Variants in KCNQ3 observed in about 807,000 individuals in gnomAD.
KCNQ3 encodes potassium voltage-gated channel subfamily Q member 3.
KCNQ3 carries 30 observed loss-of-function variants against 92.5 expected under a neutral mutation model. That is an observed-to-expected ratio of 0.32 (90% CI 0.24 to 0.44). KCNQ3 has a LOEUF of 0.44. KCNQ3 is among the 20% of genes least tolerant of loss of function. KCNQ3 has a pLI of 1.00. For missense variants in KCNQ3, 913 were observed against 1,140.3 expected (o/e 0.80, Z 2.87); for synonymous variants, 450 against 468.8 (o/e 0.96, Z 0.52).
chr8:132,153,529 G>T (rs1825700197), intron 9 of KCNQ3, among the ~76,000 whole-genome samples: 1 of 152,190 alleles, frequency 6.6e-6, no homozygotes, highest in Admixed American at 6.5e-5. Flanking sequence ...TCCAGAGGCA[G>T]ATGATAACAG....
chr8:132,341,665 G>A (rs957879075), intron 1 of KCNQ3, among the ~76,000 whole-genome samples: 19 of 152,176 alleles, frequency 1.2e-4, no homozygotes, highest in African/African-American at 4.6e-4. Flanking sequence ...ATCCAGACCT[G>A]GTTTCTCTGT....
chr8:132,259,983 T>C (rs1815722831), intron 1 of KCNQ3, among the ~76,000 whole-genome samples: 1 of 152,158 alleles, frequency 6.6e-6, no homozygotes, highest in South Asian at 2.1e-4. Context: ...CAAAACATTG[T>C]TGACATTAAC....
rs191553983 is a variant in KCNQ3, at chr8:132,361,707, A to T, written c.386+118440T>A. ...TCCTTTCTCACCAATACATTTAGAA[A>T]AATCAAAAGAACAGAAAAACAAAAT... On this transcript the variant is annotated intron_variant, in intron 1 of 14. Transcript: ENST00000388996. Among the ~76,000 whole-genome samples the T allele has an allele frequency of 5.6e-4, 86 of 152,312 alleles. 1 individual carries two copies. Among genetic ancestry groups the T allele is most frequent in the East Asian group, 5.6e-3 (29 of 5,196 alleles).
intron 1 of KCNQ3, among the ~76,000 whole-genome samples, chr8:132,327,601 T>G (rs1337010907): frequency 6.6e-6 from 1 of 152,128 alleles, no homozygotes; most frequent in African/African-American, 2.4e-5. Context: ...TGTGCCTACC[T>G]GGAGCCCATG....
At chr8:132,140,365 C>T (rs1825248028) in intron 10 of KCNQ3, 187 bp from the exon 11 acceptor site, 2 of 575,462 alleles carry the variant, frequency 3.5e-6, no homozygotes, top group Non-Finnish European at 6.2e-6. Flanking sequence ...CACCCTCATT[C>T]TATTACCCAG....
intron 1 of KCNQ3, among the ~76,000 whole-genome samples, chr8:132,390,135 T>C (rs778580416): frequency 6.6e-6 from 1 of 152,164 alleles, no homozygotes; most frequent in Non-Finnish European, 1.5e-5. Flanking sequence ...AACGTAAGAC[T>C]TAGTGGAAAA....
intron 1 of KCNQ3, among the ~76,000 whole-genome samples, chr8:132,338,579 CT>C (rs1490782582): frequency 6.6e-6 from 1 of 152,100 alleles, no homozygotes; most frequent in Non-Finnish European, 1.5e-5. Context: ...TCTTTGGAAG[CT>C]GGTGGTTTGA....
rs1160725688 is a variant in KCNQ3, at chr8:132,128,004, A to C, written c.*1258T>G. On this transcript the variant is annotated 3_prime_UTR_variant, in exon 15 of 15. Transcript: ENST00000388996. ...ACATCTGTAAATGTAGCTTGCTTGC[A>C]TTATTTTTTTCTAGATCTGAAATGC... 2.0e-5 allele frequency: 3 copies of C among 152,200 alleles called. No individual in the cohort carries two copies. The highest frequency in any genetic ancestry group is 4.4e-5 in the Non-Finnish European group (3 of 68,030). 9.4% of individuals were successfully genotyped at this position (152,200 alleles called of 1,614,324 possible).
At chr8:132,344,778 G>A (rs1329880729) in intron 1 of KCNQ3, among the ~76,000 whole-genome samples, 2 of 152,214 alleles carry the variant, frequency 1.3e-5, no homozygotes, top group African/African-American at 2.4e-5. Flanking sequence ...GGCCAGTGCA[G>A]AAGGAGTAAT....
At chr8:132,405,659 C>T (rs1010224265) in intron 1 of KCNQ3, among the ~76,000 whole-genome samples, 4 of 152,216 alleles carry the variant, frequency 2.6e-5, no homozygotes, top group South Asian at 2.1e-4. Flanking sequence ...CTTAGCATGT[C>T]GACCAACTCT....
intron 1 of KCNQ3, among the ~76,000 whole-genome samples, chr8:132,380,949 A>C (rs1005405548): frequency 6.6e-6 from 1 of 150,904 alleles, no homozygotes; most frequent in Non-Finnish European, 1.5e-5. Flanking sequence ...AAAAAAAAAA[A>C]AACAACCTTG....
At chr8:132,230,303 A>AC (rs1814591804) in intron 1 of KCNQ3, among the ~76,000 whole-genome samples, 1 of 152,018 alleles carries the variant, frequency 6.6e-6, no homozygotes, top group Non-Finnish European at 1.5e-5. Context: ...AAGGCTCCTT[A>AC]CCTTCCAAGA....
chr8:132,430,395 T>A (rs1821217001), intron 1 of KCNQ3, among the ~76,000 whole-genome samples: 1 of 152,218 alleles, frequency 6.6e-6, no homozygotes, highest in African/African-American at 2.4e-5. Flanking sequence ...GTCTCAATAA[T>A]GTGGTAGAGA....
At chr8:132,426,319 G>A (rs1041548428) in intron 1 of KCNQ3, among the ~76,000 whole-genome samples, 2 of 152,170 alleles carry the variant, frequency 1.3e-5, no homozygotes, top group East Asian at 3.9e-4. Context: ...TCATGACACC[G>A]GCCATGGTTC....
intron 1 of KCNQ3, among the ~76,000 whole-genome samples, chr8:132,355,121 T>C (rs188304085): frequency 2.0e-5 from 3 of 152,306 alleles, no homozygotes; most frequent in Admixed American, 2.0e-4. Flanking sequence ...TTTATGAAAA[T>C]GTCACAAAGC....
rs1484732298 is a variant in KCNQ3, at chr8:132,129,581, T to C, written c.2300A>G (p.Gln767Arg). 1 of 1,614,170 alleles carries C rather than the reference T, an allele frequency of 6.2e-7. No individual in the cohort carries two copies. Among genetic ancestry groups the C allele is most frequent in the Admixed American group, 1.7e-5 (1 of 60,022 alleles). ...GGAGATTCGGTCCGAGTAGGGGCCC[T>C]GCAGGTCAGCCTGGGAGTGGCAGCT... ...RVSCHSQADL[Q>R]GPYSDRISPR... Residue 767 changes from glutamine (Q) to arginine (R), a missense_variant, in exon 15 of 15, where the codon CAG becomes CGG. By Grantham distance (43) the Gln-to-Arg change is conservative (BLOSUM62 1). Around this residue, in one of 6 missense-constraint regions of KCNQ3, gnomAD observed 375 missense variants for 376.4 expected, o/e 1.00. Transcript: ENST00000388996. The surrounding 1 kb of genome is among the most constrained non-coding windows in gnomAD (Gnocchi z 5.9).
intron 1 of KCNQ3, among the ~76,000 whole-genome samples, chr8:132,228,171 T>A (rs1041071422): frequency 7.2e-5 from 11 of 152,208 alleles, no homozygotes; most frequent in Admixed American, 5.2e-4. Flanking sequence ...CAGTTTTGCC[T>A]CTGGGTAAAC....
chr8:132,260,921 A>C (rs1815767042), intron 1 of KCNQ3, among the ~76,000 whole-genome samples: 1 of 152,166 alleles, frequency 6.6e-6, no homozygotes, highest in African/African-American at 2.4e-5. Context: ...CCTCTTACTC[A>C]TTCTTTTATT....
chr8:132,323,583 C>T (rs747915010), intron 1 of KCNQ3, among the ~76,000 whole-genome samples: 13 of 152,116 alleles, frequency 8.5e-5, no homozygotes, highest in Non-Finnish European at 1.8e-4. Context: ...AGAAAATGGC[C>T]GTAGGTGCTA....
Sources: gnomAD v4.1 joint callset for allele counts (sites outside exome capture counted in the v4.1 genomes callset) on GRCh38, gnomAD v4.1.1 for gene constraint, gnomAD v4.1.1 regional missense constraint, Gnocchi (gnomAD v3.1) non-coding constraint, MANE v1.5 for transcripts, NCBI Gene and HGNC (gene_info 2026-07-23, HGNC 2026-07-21) for gene names.